TNS3: variants seen among roughly 807,000 people sequenced by gnomAD.
TNS3 encodes tensin-3.
TNS3 carries 45 observed loss-of-function variants against 140.9 expected under a neutral mutation model. The ratio of observed to expected loss-of-function variants is 0.32; its 90% CI spans 0.25 to 0.41. TNS3 has a LOEUF of 0.41. TNS3 is among the 10% of genes least tolerant of loss of function. The pLI is 1.00. For synonymous variants in TNS3, 815 were observed against 788.4 expected (o/e 1.03, Z -0.56); for missense variants, 1,716 against 1,906.7 (o/e 0.90, Z 1.86).
chr7:47,344,526 T>C (rs559431268), intron 20 of TNS3, among the ~76,000 whole-genome samples: 1 of 152,006 alleles, frequency 6.6e-6, no homozygotes. Flanking sequence ...TACAGGAGGG[T>C]TCCCCACAGG....
intron 20 of TNS3, among the ~76,000 whole-genome samples, chr7:47,344,341 C>G (rs965679289): frequency 2.6e-5 from 4 of 152,180 alleles, no homozygotes; most frequent in African/African-American, 9.7e-5. Flanking sequence ...TAATAACAGA[C>G]AGGAGGGGCC....
rs1798437818 is a variant in TNS3, at chr7:47,506,927, G to C, written c.-135C>G. On this transcript the variant is annotated 5_prime_UTR_variant, in exon 3 of 31. Coordinates refer to ENST00000311160, the MANE Select transcript of TNS3 (RefSeq NM_022748.12). Reference sequence around the variant, plus strand: ...CTTACCTTGGCTTCACATTTCTTGTGGCAGGAATACTTGCAGGCTGGGAAA... The same window carrying C: ...CTTACCTTGGCTTCACATTTCTTGTCGCAGGAATACTTGCAGGCTGGGAAA... 1 of 1,289,174 alleles carries C rather than the reference G, an allele frequency of 7.8e-7. No individual in the cohort carries two copies. Among genetic ancestry groups the C allele is most frequent in the Admixed American group, 2.3e-5 (1 of 43,484 alleles). The allele number at this position is 1,289,174 out of a possible 1,614,324, so 79.9% of individuals were successfully genotyped here. A position where few individuals can be genotyped will look rare whatever the true frequency, so the allele number is the denominator to read the frequency against.
In TNS3 at chr7:47,277,764, G is replaced by T; in HGVS notation, c.*312C>A. On this transcript the variant is annotated 3_prime_UTR_variant, in exon 31 of 31. Coordinates refer to ENST00000311160, the MANE Select transcript of TNS3 (RefSeq NM_022748.12). ...GCCAGGGACATGGGGACCACCTCGTGTTCTGTGCTGTTTCCTTGCATGTCC... is the reference window on the plus strand; with the variant it reads ...GCCAGGGACATGGGGACCACCTCGTTTTCTGTGCTGTTTCCTTGCATGTCC... 2.4e-6 allele frequency: 1 copy of T among 421,720 alleles called. No individual in the cohort carries two copies. Among genetic ancestry groups the T allele is most frequent in the Non-Finnish European group, 4.5e-6 (1 of 224,374 alleles). 26.1% of individuals were successfully genotyped at this position (421,720 alleles called of 1,614,324 possible).
intron 4 of TNS3, among the ~76,000 whole-genome samples, chr7:47,457,142 A>AGGG (rs1562766201): frequency 2.0e-4 from 1 of 5,068 alleles, no homozygotes; most frequent in Non-Finnish European, 3.6e-4. Flanking sequence ...GGAGGAGGGG[A>AGGG]GGGGAGGGGA....
At chr7:47,526,083 C>T (rs77720814) in intron 2 of TNS3, among the ~76,000 whole-genome samples, 2,111 of 152,330 alleles carry the variant, frequency 0.014, 56 homozygotes, top group African/African-American at 0.048. Context: ...AGCTGGAGGC[C>T]GTGCTTTCTC....
At chr7:47,292,162 T>C (rs940292996) in intron 26 of TNS3, 130 bp from the exon 27 acceptor site, 1 of 849,616 alleles carries the variant, frequency 1.2e-6, no homozygotes, top group African/African-American at 1.7e-5. Flanking sequence ...AGTCAAGAGT[T>C]TCTCTTTGGG....
chr7:47,439,413 C>T, intron 6 of TNS3, 74 bp downstream of exon 6: 2 of 1,518,336 alleles, frequency 1.3e-6, no homozygotes, highest in East Asian at 4.6e-5. Context: ...AACCAGTGTT[C>T]TGTGAGTGCC....
At chr7:47,576,821 C>A (rs973803909) in intron 1 of TNS3, among the ~76,000 whole-genome samples, 1 of 152,134 alleles carries the variant, frequency 6.6e-6, no homozygotes. Flanking sequence ...AGCGCAGATT[C>A]CTGAATCCTC....
At chr7:47,283,614 G>A in intron 28 of TNS3, 83 bp downstream of exon 28, 2 of 1,304,208 alleles carry the variant, frequency 1.5e-6, no homozygotes, top group Non-Finnish European at 2.0e-6. Context: ...TTACCTGGAT[G>A]ACTACTCACA....
At position 47,479,241 on chromosome 7, in the gene TNS3, G is replaced by T. The variant is rs544398992; in HGVS notation, c.-76+1862C>A. Among the ~76,000 whole-genome samples, 284 of 152,320 alleles carry T rather than the reference G, an allele frequency of 1.9e-3. 1 individual carries two copies. The highest frequency in any genetic ancestry group is 6.6e-3 in the African/African-American group (276 of 41,574). ...GCTTTAGCCCTCTGGTGCCTCTGAT[G>T]TCCAGGGCTCACCAACAAATCTGAT... On this transcript the variant is annotated intron_variant, in intron 4 of 30. Coordinates refer to ENST00000311160, the MANE Select transcript of TNS3 (RefSeq NM_022748.12).
chr7:47,355,597 G>A (rs1014154345), intron 17 of TNS3, among the ~76,000 whole-genome samples: 1 of 152,166 alleles, frequency 6.6e-6, no homozygotes, highest in Non-Finnish European at 1.5e-5. Flanking sequence ...GTGCAGGAGA[G>A]GGCTTCTCAG....
chr7:47,390,318 T>C (rs1223140593), intron 16 of TNS3, among the ~76,000 whole-genome samples: 2 of 152,176 alleles, frequency 1.3e-5, no homozygotes, highest in African/African-American at 2.4e-5. Context: ...ACTTGAATGG[T>C]CTCAGCTTGA....
intron 4 of TNS3, among the ~76,000 whole-genome samples, chr7:47,464,421 G>A (rs1796617424): frequency 6.6e-6 from 1 of 152,090 alleles, no homozygotes; most frequent in Non-Finnish European, 1.5e-5. Context: ...CCCAGAGGCC[G>A]CCGAGTTCTC....
chr7:47,341,316 T>C (rs893123573), intron 20 of TNS3, among the ~76,000 whole-genome samples: 2 of 152,236 alleles, frequency 1.3e-5, no homozygotes, highest in Admixed American at 6.5e-5. Context: ...GTAGAATCAG[T>C]GTTAATTCTT....
At chr7:47,406,513 C>T (rs1232752096) in intron 13 of TNS3, among the ~76,000 whole-genome samples, 5 of 152,164 alleles carry the variant, frequency 3.3e-5, no homozygotes, top group Non-Finnish European at 5.9e-5. Context: ...AGGCAGACAC[C>T]AGAACCACGG....
intron 7 of TNS3, among the ~76,000 whole-genome samples, chr7:47,436,800 A>G (rs145104750): frequency 2.0e-4 from 31 of 152,264 alleles, no homozygotes; most frequent in African/African-American, 7.5e-4. Context: ...GATTTGTTCC[A>G]TGCATATATA....
In TNS3 at chr7:47,389,069, GAAGAA is replaced by G. The variant is rs1562675053; in HGVS notation, c.1024+7726_1024+7730del. On this transcript the variant is annotated intron_variant, in intron 16 of 30. Transcript: ENST00000311160. The stretch of plus-strand genomic sequence containing the variant: ...AGAAGAAGAAGAAGAAGAAGAAGAA[GAAGAA>G]GAAGAAGAAGAGGAAGAGGAAGAGG... Among the ~76,000 whole-genome samples, 15 of 68,656 alleles carry G rather than the reference GAAGAA, an allele frequency of 2.2e-4. 2 individuals are homozygous for G. Among genetic ancestry groups the G allele is most frequent in the African/African-American group, 8.1e-4 (12 of 14,874 alleles). 45.0% of individuals were successfully genotyped at this position (68,656 alleles called of 152,430 possible).
chr7:47,431,447 G>T (rs991905326), intron 8 of TNS3, among the ~76,000 whole-genome samples: 1 of 152,084 alleles, frequency 6.6e-6, no homozygotes, highest in African/African-American at 2.4e-5. Flanking sequence ...ACAAAAATTA[G>T]CTGGGTGTGG....
intron 10 of TNS3, among the ~76,000 whole-genome samples, chr7:47,416,276 T>C (rs1794077942): frequency 6.6e-6 from 1 of 152,214 alleles, no homozygotes; most frequent in Non-Finnish European, 1.5e-5. Context: ...ACAACCATCC[T>C]ACCCTAAGCC....
Sources: gnomAD v4.1 joint callset for allele counts (sites outside exome capture counted in the v4.1 genomes callset) on GRCh38, gnomAD v4.1.1 for gene constraint, MANE v1.5 for transcripts, NCBI Gene and HGNC (gene_info 2026-07-23, HGNC 2026-07-21) for gene names.